Variants in PPM1L observed in about 807,000 individuals in gnomAD.
PPM1L encodes the protein protein phosphatase 1L.
PPM1L carries 13 observed loss-of-function variants against 31.4 expected under a neutral mutation model. The ratio of observed to expected loss-of-function variants is 0.41; its 90% CI spans 0.27 to 0.66. The LOEUF is 0.66. Ranked by LOEUF, PPM1L falls within the 30% of genes least tolerant of loss-of-function variation. The probability of loss-of-function intolerance (pLI) is 0.29; values close to 1 mark genes in which losing one functional copy is unlikely to be tolerated. For missense variants in PPM1L, 326 were observed against 453.7 expected, an observed-to-expected ratio of 0.72 and a Z score of 2.56; for synonymous variants, 184 against 175.4, an observed-to-expected ratio of 1.05 and a Z score of -0.39.
At chr3:160,929,593 G>A (rs1364728784) in intron 1 of PPM1L, among the ~76,000 whole-genome samples, 1 of 152,200 alleles carries the variant, frequency 6.6e-6, no homozygotes, top group Non-Finnish European at 1.5e-5. Flanking sequence ...CTTCCTGCTG[G>A]TCACTGTGAG....
At chr3:160,946,226 T>C (rs1373363227) in intron 1 of PPM1L, among the ~76,000 whole-genome samples, 1 of 152,172 alleles carries the variant, frequency 6.6e-6, no homozygotes, top group Non-Finnish European at 1.5e-5. Context: ...CTACATAAAA[T>C]ATTTATGAAA....
intron 1 of PPM1L, among the ~76,000 whole-genome samples, chr3:160,906,342 G>A (rs554842983): frequency 5.9e-5 from 9 of 152,270 alleles, no homozygotes; most frequent in Admixed American, 5.2e-4. Context: ...AGTGGCTCAC[G>A]CCTGTAATCC....
intron 1 of PPM1L, among the ~76,000 whole-genome samples, chr3:160,794,981 C>T (rs1257760973): frequency 2.0e-5 from 3 of 152,024 alleles, no homozygotes; most frequent in Non-Finnish European, 4.4e-5. Context: ...AGAAGATAAA[C>T]CTAGTATGGC....
intron 1 of PPM1L, among the ~76,000 whole-genome samples, chr3:160,907,281 A>G (rs774032558): frequency 6.6e-6 from 1 of 152,206 alleles, no homozygotes; most frequent in East Asian, 1.9e-4. Flanking sequence ...ATAGTGAGAA[A>G]TAAATAGTTT....
At chr3:160,996,075 G>A (rs914737253) in intron 2 of PPM1L, among the ~76,000 whole-genome samples, 3 of 152,084 alleles carry the variant, frequency 2.0e-5, no homozygotes, top group African/African-American at 4.8e-5. Flanking sequence ...AATGCAAATC[G>A]AAACCACAGT....
intron 1 of PPM1L, among the ~76,000 whole-genome samples, chr3:160,922,077 A>G (rs66872845): frequency 0.26 from 39,031 of 152,082 alleles, 5,486 homozygotes; most frequent in East Asian, 0.52. Flanking sequence ...TTGGGAGGCC[A>G]AGGCGGGCAG....
chr3:160,840,948 C>T (rs1411960789), intron 1 of PPM1L, among the ~76,000 whole-genome samples: 2 of 152,184 alleles, frequency 1.3e-5, no homozygotes, highest in African/African-American at 4.8e-5. Flanking sequence ...AATGTCAAAT[C>T]TCTTCTGGAA....
At chr3:161,033,754 G>A (rs1718652481) in intron 2 of PPM1L, among the ~76,000 whole-genome samples, 1 of 151,998 alleles carries the variant, frequency 6.6e-6, no homozygotes, top group African/African-American at 2.4e-5. Flanking sequence ...AGAAAACCTG[G>A]GCAATACCAT....
At chr3:160,779,078 ATT>A (rs112076308) in intron 1 of PPM1L, among the ~76,000 whole-genome samples, 3 of 136,016 alleles carry the variant, frequency 2.2e-5, no homozygotes. Context: ...CTGTTATTAC[ATT>A]TTTTTTTTTT....
At chr3:160,806,855 GGGAAGGAAA>G (rs997514338) in intron 1 of PPM1L, among the ~76,000 whole-genome samples, 6 of 143,024 alleles carry the variant, frequency 4.2e-5, no homozygotes, top group African/African-American at 1.6e-4. Context: ...AAGGAAGGGA[GGGAAGGAAA>G]GGAAGGAAAG....
chr3:160,767,640 T>A (rs1413252713), intron 1 of PPM1L, among the ~76,000 whole-genome samples: 1 of 152,194 alleles, frequency 6.6e-6, no homozygotes, highest in African/African-American at 2.4e-5. Flanking sequence ...CTTTTCAACA[T>A]TATTGTTGCA....
chr3:161,068,709 A>C (rs1219458760), intron 3 of PPM1L, 102 bp from the exon 4 acceptor site: 4 of 923,398 alleles, frequency 4.3e-6, no homozygotes, highest in African/African-American at 3.4e-5. Flanking sequence ...CCCACAGCCC[A>C]GTTCACATGA....
chr3:160,863,839 A>C (rs1388946564), intron 1 of PPM1L, among the ~76,000 whole-genome samples: 1 of 152,172 alleles, frequency 6.6e-6, no homozygotes, highest in Admixed American at 6.5e-5. Context: ...TAGGGTATAC[A>C]TAGTCCCCTG....
chr3:160,867,370 G>T (rs1427431204), intron 1 of PPM1L, among the ~76,000 whole-genome samples: 2 of 142,794 alleles, frequency 1.4e-5, no homozygotes, highest in Non-Finnish European at 3.0e-5. Flanking sequence ...GGCTTGTGAA[G>T]TTGTTTGTAT....
chr3:160,774,255 A>G (rs946340105), intron 1 of PPM1L, among the ~76,000 whole-genome samples: 13 of 151,978 alleles, frequency 8.6e-5, no homozygotes, highest in African/African-American at 2.9e-4. Context: ...TTCTTCATGC[A>G]AGTCTGTGAG....
At chr3:161,000,505 C>G (rs1225573139) in intron 2 of PPM1L, among the ~76,000 whole-genome samples, 1 of 152,034 alleles carries the variant, frequency 6.6e-6, no homozygotes, top group Non-Finnish European at 1.5e-5. Context: ...AACACATAAC[C>G]AGTAAGCAAG....
intron 1 of PPM1L, among the ~76,000 whole-genome samples, chr3:160,960,476 G>T (rs1157713456): frequency 6.6e-6 from 1 of 151,336 alleles, no homozygotes; most frequent in African/African-American, 2.4e-5. Context: ...TTTCTATGTA[G>T]ATGTGTCTTT....
chr3:160,768,591 A>G (rs1457522148), intron 1 of PPM1L, among the ~76,000 whole-genome samples: 1 of 152,206 alleles, frequency 6.6e-6, no homozygotes, highest in African/African-American at 2.4e-5. Context: ...GATAATCAGT[A>G]GTGGCTCCTG....
At chr3:160,945,767 C>G (rs1462230643) in intron 1 of PPM1L, among the ~76,000 whole-genome samples, 2 of 152,094 alleles carry the variant, frequency 1.3e-5, no homozygotes, top group African/African-American at 2.4e-5. Context: ...CCAACTCCTC[C>G]TTTTTCTCCT....
Sources: allele counts gnomAD v4.1 joint callset (sites outside exome capture counted in the v4.1 genomes callset), GRCh38; gene constraint gnomAD v4.1.1; transcripts MANE v1.5; gene names NCBI Gene and HGNC (gene_info 2026-07-23, HGNC 2026-07-21).